The following KCNN2 variants were observed in gnomAD, a reference collection of about 807,000 sequenced individuals.
KCNN2 encodes small conductance calcium-activated potassium channel protein 2.
In KCNN2, 24 loss-of-function variants were observed where a neutral mutation model predicts 55.5. That is an observed-to-expected ratio of 0.43 (90% CI 0.31 to 0.61). The LOEUF (loss-of-function observed/expected upper bound fraction) is 0.61, where lower values mean the gene tolerates loss of function less well. Among genes scored for constraint, KCNN2 ranks in the 20% least tolerant of loss-of-function variants. KCNN2 has a pLI of 0.08. For synonymous variants in KCNN2, 431 were observed against 336.1 expected, an observed-to-expected ratio of 1.28 and a Z score of -3.09; for missense variants, 754 against 853.6, an observed-to-expected ratio of 0.88 and a Z score of 1.45.
intron 2 of KCNN2, among the ~76,000 whole-genome samples, chr5:114,320,140 G>T (rs1347986939): frequency 1.3e-5 from 2 of 152,044 alleles, no homozygotes; most frequent in Admixed American, 1.3e-4. Context: ...AACAGGAAAA[G>T]ATTCGAGTAC....
intron 2 of KCNN2, among the ~76,000 whole-genome samples, chr5:114,223,006 T>C (rs1754172886): frequency 6.6e-6 from 1 of 152,242 alleles, no homozygotes; most frequent in Non-Finnish European, 1.5e-5. Flanking sequence ...GCTTTCATGC[T>C]GTCCATCTTT....
At chr5:114,313,885 G>A (rs1756451375) in intron 2 of KCNN2, among the ~76,000 whole-genome samples, 1 of 152,142 alleles carries the variant, frequency 6.6e-6, no homozygotes, top group Non-Finnish European at 1.5e-5. Context: ...GTTGCTTCAT[G>A]AAATGTTTTT....
chr5:114,472,300 G>T (rs1317166474), intron 4 of KCNN2, among the ~76,000 whole-genome samples: 3 of 152,170 alleles, frequency 2.0e-5, no homozygotes, highest in African/African-American at 7.2e-5. Flanking sequence ...GGAGCGGGAG[G>T]ACTGTAATTC....
chr5:114,372,184 T>C (rs1261532293), intron 2 of KCNN2, among the ~76,000 whole-genome samples: 1 of 152,170 alleles, frequency 6.6e-6, no homozygotes, highest in African/African-American at 2.4e-5. Flanking sequence ...AGAAACGTGG[T>C]CGATATTGGT....
intron 3 of KCNN2, among the ~76,000 whole-genome samples, chr5:114,451,136 G>A (rs1431156482): frequency 6.6e-6 from 1 of 152,140 alleles, no homozygotes; most frequent in Non-Finnish European, 1.5e-5. Context: ...ATTCCAATAT[G>A]ACATGTAAAT....
At chr5:114,438,145 T>C (rs1760075043) in intron 3 of KCNN2, among the ~76,000 whole-genome samples, 2 of 152,160 alleles carry the variant, frequency 1.3e-5, no homozygotes, top group East Asian at 3.9e-4. Context: ...CACATTTGAG[T>C]GTTGTGGTCT....
At chr5:114,140,963 A>G (rs1407021749) in intron 1 of KCNN2, among the ~76,000 whole-genome samples, 2 of 151,536 alleles carry the variant, frequency 1.3e-5, no homozygotes, top group East Asian at 3.9e-4. Flanking sequence ...TAATTTTTGT[A>G]TTTTTAGTAG....
intron 3 of KCNN2, among the ~76,000 whole-genome samples, chr5:114,439,454 A>AG (rs758704562): frequency 1.1e-3 from 166 of 152,292 alleles, no homozygotes; most frequent in African/African-American, 3.8e-3. Context: ...ATTGTACTCC[A>AG]TTCTGTTTTA....
chr5:114,239,199 A>G (rs1754569549), intron 2 of KCNN2, among the ~76,000 whole-genome samples: 2 of 152,176 alleles, frequency 1.3e-5, no homozygotes. Flanking sequence ...TTAATGGAGA[A>G]TTGGGAAAAT....
At chr5:114,078,553 T>C (rs968455372) in intron 1 of KCNN2, among the ~76,000 whole-genome samples, 1 of 152,174 alleles carries the variant, frequency 6.6e-6, no homozygotes, top group Non-Finnish European at 1.5e-5. Flanking sequence ...AAGTGGAACC[T>C]TCTCTGAAAC....
At chr5:114,402,041 A>G (rs1219388743) in intron 2 of KCNN2, among the ~76,000 whole-genome samples, 2 of 152,212 alleles carry the variant, frequency 1.3e-5, no homozygotes, top group African/African-American at 4.8e-5. Context: ...GAGTGAGAGA[A>G]AAGTCAGAGA....
chr5:114,482,779 G>C (rs1223139950), intron 5 of KCNN2, among the ~76,000 whole-genome samples: 1 of 152,136 alleles, frequency 6.6e-6, no homozygotes, highest in African/African-American at 2.4e-5. Context: ...TGCAGGAACA[G>C]AAAATCAAAC....
rs190484472 is a variant in KCNN2 at position 114,436,413 on chromosome 5, C to T, written c.1638-26636C>T. Among the ~76,000 whole-genome samples the T allele has an allele frequency of 7.9e-4, 120 of 152,124 alleles. No homozygotes were observed. The South Asian group carries it at 9.8e-3, about 12-fold the overall frequency. On this transcript the variant is annotated intron_variant, in intron 3 of 7. Coordinates refer to ENST00000673685, the MANE Select transcript of KCNN2 (RefSeq NM_021614.4). Reference sequence around the variant, plus strand: ...TCCCCTTATGGAATCATTAAATGATCGTAAAATTAGAGCAACAAATGCCTC... The same window carrying T: ...TCCCCTTATGGAATCATTAAATGATTGTAAAATTAGAGCAACAAATGCCTC...
chr5:114,457,267 T>G (rs2150109962), intron 3 of KCNN2, among the ~76,000 whole-genome samples: 1 of 152,248 alleles, frequency 6.6e-6, no homozygotes, highest in Non-Finnish European at 1.5e-5. Flanking sequence ...GAAAAAAGAT[T>G]ATGACTCATT....
rs374193484 is a variant in KCNN2, at chr5:114,261,990, G to A, written c.-185+40425G>A. ...GGCTAGTTCAAAACAAGCAAAGTGT[G>A]CTTTGTTATATATTGAAATCCTCAG... On this transcript the variant is annotated intron_variant, in intron 2 of 10. Transcript: ENST00000512097. Among the ~76,000 whole-genome samples, 20 of 152,176 alleles carry A rather than the reference G, an allele frequency of 1.3e-4. No homozygotes were observed. In the East Asian group the frequency reaches 1.7e-3, roughly 13 times the overall value.
chr5:114,466,065 G>C (rs1379097515), intron 4 of KCNN2, among the ~76,000 whole-genome samples: 2 of 151,774 alleles, frequency 1.3e-5, no homozygotes, highest in African/African-American at 2.4e-5. Flanking sequence ...TCATTACCAA[G>C]ACCAATATGG....
intron 3 of KCNN2, among the ~76,000 whole-genome samples, chr5:114,461,907 C>T (rs572659245): frequency 2.6e-5 from 4 of 152,188 alleles, no homozygotes; most frequent in Admixed American, 6.5e-5. Context: ...TGATGAGTAC[C>T]GCGCAATTAT....
chr5:114,256,771 ATTAGTCCT>A (rs1211110733), intron 2 of KCNN2, among the ~76,000 whole-genome samples: 1 of 152,102 alleles, frequency 6.6e-6, no homozygotes, highest in Non-Finnish European at 1.5e-5. Context: ...GATTCTGGAT[ATTAGTCCT>A]TTGTCAGATG....
At chr5:114,070,177 CT>C (rs1561462377) in intron 1 of KCNN2, among the ~76,000 whole-genome samples, 1 of 152,150 alleles carries the variant, frequency 6.6e-6, no homozygotes, top group Non-Finnish European at 1.5e-5. Flanking sequence ...ACTGTCTCGA[CT>C]GTCTCATCCC....
Sources: gnomAD v4.1 joint callset for allele counts (sites outside exome capture counted in the v4.1 genomes callset) on GRCh38, gnomAD v4.1.1 for gene constraint, MANE v1.5 for transcripts, NCBI Gene and HGNC (gene_info 2026-07-23, HGNC 2026-07-21) for gene names.